PXDNL: variants seen among roughly 807,000 people sequenced by gnomAD.
The protein encoded by PXDNL is peroxidasin like, also known as probable oxidoreductase PXDNL.
PXDNL carries 145 observed loss-of-function variants against 150.8 expected under a neutral mutation model. The observed-to-expected ratio is 0.96, with a 90% confidence interval of 0.84 to 1.10. The LOEUF (loss-of-function observed/expected upper bound fraction) is 1.10, where lower values mean the gene tolerates loss of function less well. Ranked by LOEUF, PXDNL falls within the 50% of genes least tolerant of loss-of-function variation. The probability of loss-of-function intolerance (pLI) is 0.00; values close to 1 mark genes in which losing one functional copy is unlikely to be tolerated. For synonymous variants in PXDNL, 757 were observed against 725.7 expected (o/e 1.04, Z -0.69); for missense variants, 2,087 against 1,873.9 (o/e 1.11, Z -2.10).
chr8:51,495,558 G>T (rs890388727), intron 5 of PXDNL, among the ~76,000 whole-genome samples: 2 of 152,030 alleles, frequency 1.3e-5, no homozygotes, highest in African/African-American at 2.4e-5. Context: ...AGAAAAGAGA[G>T]AAGAATCAAA....
chr8:51,372,043 T>C lies in PXDNL; in HGVS notation c.3731A>G (p.Gln1244Arg), dbSNP rs1470842891. The C allele has an allele frequency of 1.2e-6, 2 of 1,606,592 alleles. No homozygotes were observed. Among genetic ancestry groups the C allele is most frequent in the East Asian group, 4.5e-5 (2 of 44,636 alleles). Reference protein sequence around the residue: ...YENPGVFTPAQLTQLKQASLS... With the variant: ...YENPGVFTPARLTQLKQASLS... ...GGACGCCTGCTTCAGCTGAGTGAGT[T>C]GTGCCGGGGTAAATACTCCAGGGTT... The change falls in exon 19 of 23, where the codon CAA (glutamine) becomes CGA (arginine). Residue 1244 changes from glutamine (Q) to arginine (R), a missense_variant. By Grantham distance (43) the Gln-to-Arg change is conservative. Coordinates refer to ENST00000356297, the MANE Select transcript of PXDNL (RefSeq NM_144651.5).
chr8:51,502,671 T>A (rs1449398351), intron 4 of PXDNL, among the ~76,000 whole-genome samples: 1 of 152,130 alleles, frequency 6.6e-6, no homozygotes, highest in Non-Finnish European at 1.5e-5. Flanking sequence ...GAAGTGTTTT[T>A]TTTTTTCCTT....
intron 1 of PXDNL, among the ~76,000 whole-genome samples, chr8:51,749,794 T>C (rs1365948718): frequency 2.0e-5 from 3 of 152,072 alleles, no homozygotes; most frequent in African/African-American, 7.2e-5. Context: ...TCCGACTCCC[T>C]GGTTCAAGCG....
At chr8:51,668,005 C>A (rs530542420) in intron 1 of PXDNL, among the ~76,000 whole-genome samples, 1 of 152,108 alleles carries the variant, frequency 6.6e-6, no homozygotes, top group East Asian at 1.9e-4. Flanking sequence ...TGAGGAGGCA[C>A]CGGACTCACA....
chr8:51,331,000 C>T (rs1805664578), intron 21 of PXDNL, among the ~76,000 whole-genome samples: 2 of 152,244 alleles, frequency 1.3e-5, no homozygotes, highest in African/African-American at 4.8e-5. Context: ...ATTGCAGATC[C>T]GGATACTGCA....
At chr8:51,565,321 A>AATAAATAAATAAATAAATAGATAG (rs569762504) in intron 3 of PXDNL, among the ~76,000 whole-genome samples, 6 of 135,532 alleles carry the variant, frequency 4.4e-5, no homozygotes, top group Admixed American at 7.2e-5. Flanking sequence ...TAAATAAATA[A>AATAAATAAATAAATAAATAGATAG]ATAGATAGAT....
intron 4 of PXDNL, among the ~76,000 whole-genome samples, chr8:51,532,917 T>G (rs1811936755): frequency 6.6e-6 from 1 of 152,186 alleles, no homozygotes; most frequent in Non-Finnish European, 1.5e-5. Flanking sequence ...AATGAACCGC[T>G]TTTTTGATTA....
At chr8:51,362,262 T>C (rs989450167) in intron 19 of PXDNL, among the ~76,000 whole-genome samples, 4 of 152,194 alleles carry the variant, frequency 2.6e-5, no homozygotes, top group African/African-American at 9.6e-5. Flanking sequence ...CCATGCTGAA[T>C]CCAGTCATGG....
At chr8:51,600,607 A>G (rs1039218618) in intron 2 of PXDNL, among the ~76,000 whole-genome samples, 6 of 136,936 alleles carry the variant, frequency 4.4e-5, no homozygotes, top group African/African-American at 1.1e-4. Flanking sequence ...TATATCGTTT[A>G]GATAATAAAT....
chr8:51,726,256 T>C (rs1816815399), intron 1 of PXDNL, among the ~76,000 whole-genome samples: 1 of 152,192 alleles, frequency 6.6e-6, no homozygotes, highest in Non-Finnish European at 1.5e-5. Flanking sequence ...GCGCCCCAGG[T>C]AGAGCGAAGA....
At chr8:51,697,385 A>G (rs1293556898) in intron 1 of PXDNL, among the ~76,000 whole-genome samples, 1 of 152,120 alleles carries the variant, frequency 6.6e-6, no homozygotes, top group Non-Finnish European at 1.5e-5. Flanking sequence ...TTTTCAAAAG[A>G]TTCACTGGGT....
intron 3 of PXDNL, among the ~76,000 whole-genome samples, chr8:51,591,408 G>A: frequency 6.6e-6 from 1 of 152,116 alleles, no homozygotes; most frequent in African/African-American, 2.4e-5. Flanking sequence ...GTTAGGCTGA[G>A]GTGTCTCAGC....
chr8:51,408,373 G>A lies in PXDNL; in HGVS notation c.3251C>T (p.Ala1084Val), dbSNP rs373683927. 2 of 1,613,900 alleles carry A rather than the reference G, an allele frequency of 1.2e-6. No homozygotes were observed. The highest frequency in any genetic ancestry group is 8.5e-7 in the Non-Finnish European group (1 of 1,179,898). ...GATTATTCTGGACGGTGAAAAGAGC[G>A]CTTTATGGAACGGAAGGTGGCCTTC... ...ISEGHLPFHK[A>V]LFSPSRIIKE... Residue 1084 changes from alanine (A) to valine (V), a missense_variant, in exon 17 of 23, where the codon GCG (alanine) becomes GTG (valine). Transcript: ENST00000356297.
chr8:51,328,283 A>G (rs535972302), intron 21 of PXDNL, among the ~76,000 whole-genome samples: 1 of 152,312 alleles, frequency 6.6e-6, no homozygotes, highest in African/African-American at 2.4e-5. Flanking sequence ...ACAGACAGAC[A>G]TTTCCTATTA....
chr8:51,449,751 G>T lies in PXDNL; in HGVS notation c.1250-633C>A, dbSNP rs2129946703. ...TTGAATAAAAAAATAAATCAATGTG[G>T]CCATTTAAGAAGAGCGCAATGATCC... On this transcript the variant is annotated intron_variant, in intron 10 of 22. Coordinates refer to ENST00000356297, the MANE Select transcript of PXDNL (RefSeq NM_144651.5). Among the ~76,000 whole-genome samples, 2 of 152,246 alleles carry T rather than the reference G, an allele frequency of 1.3e-5. 1 individual carries two copies. The highest frequency in any genetic ancestry group is 6.8e-3 in the Middle Eastern group (2 of 294).
At chr8:51,754,906 A>G (rs1315527315) in intron 1 of PXDNL, among the ~76,000 whole-genome samples, 1 of 152,208 alleles carries the variant, frequency 6.6e-6, no homozygotes, top group Non-Finnish European at 1.5e-5. Context: ...AATATTTTTT[A>G]GAGATGCGGT....
intron 1 of PXDNL, among the ~76,000 whole-genome samples, chr8:51,795,074 C>T (rs181283299): frequency 6.6e-6 from 1 of 152,216 alleles, no homozygotes; most frequent in East Asian, 1.9e-4. Context: ...GTAAAGGGAT[C>T]AATTCAACAA....
chr8:51,421,698 CA>C (rs1005600892), intron 14 of PXDNL, among the ~76,000 whole-genome samples: 13 of 151,416 alleles, frequency 8.6e-5, no homozygotes, highest in African/African-American at 3.2e-4. Flanking sequence ...GACTCCGTCT[CA>C]AAAAAAATAA....
At position 51,364,870 on chromosome 8, in the gene PXDNL, T is replaced by C. The variant is rs183561189; in HGVS notation, c.3901+7003A>G. Reference sequence around the variant, plus strand: ...GTAAATGAAGCAATGATTAGAAATTTATCCCTCATGATAGGCTCTTATAGC... The same window carrying C: ...GTAAATGAAGCAATGATTAGAAATTCATCCCTCATGATAGGCTCTTATAGC... On this transcript the variant is annotated intron_variant, in intron 19 of 22. Coordinates refer to ENST00000356297, the MANE Select transcript of PXDNL (RefSeq NM_144651.5). Among the ~76,000 whole-genome samples the C allele has an allele frequency of 3.7e-3, 559 of 152,350 alleles. 4 individuals are homozygous for C. The highest frequency in any genetic ancestry group is 6.0e-3 in the South Asian group (29 of 4,832).
Sources: gnomAD v4.1 joint callset for allele counts (sites outside exome capture counted in the v4.1 genomes callset) on GRCh38, gnomAD v4.1.1 for gene constraint, MANE v1.5 for transcripts, NCBI Gene and HGNC (gene_info 2026-07-23, HGNC 2026-07-21) for gene names.